SLC9D1: variants seen among roughly 807,000 people sequenced by gnomAD.
SLC9D1 encodes the protein putative LAG1-interacting protein.
chr13:113,538,094 G>C, the SLC9D1 span, among the ~76,000 whole-genome samples: 1 of 150,192 alleles, frequency 6.7e-6, no homozygotes, highest in Non-Finnish European at 1.5e-5. Flanking sequence ...TGTGTGGAAT[G>C]TTACATGTGC....
chr13:113,538,776 C>T, the SLC9D1 span, among the ~76,000 whole-genome samples: 2,721 of 152,368 alleles, frequency 0.018, 72 homozygotes, highest in African/African-American at 0.062. Context: ...CGGTGTCAGC[C>T]GTGCGTCATC....
the SLC9D1 span, chr13:113,503,380 TGTG>T: frequency 1.6e-6 from 1 of 637,694 alleles, no homozygotes; most frequent in East Asian, 2.7e-5. Flanking sequence ...TGTGTGTGTG[TGTG>T]TATGTGTGTT....
chr13:113,542,453 G>A, the SLC9D1 span, among the ~76,000 whole-genome samples: 6 of 152,354 alleles, frequency 3.9e-5, no homozygotes, highest in Admixed American at 6.5e-5. Context: ...CACCTTCAGG[G>A]GAGAATGCGT....
the SLC9D1 span, among the ~76,000 whole-genome samples, chr13:113,532,258 G>A: frequency 3.3e-5 from 5 of 152,198 alleles, no homozygotes; most frequent in South Asian, 2.1e-4. Context: ...ACCGCCCTGC[G>A]AATGATTCAA....
chr13:113,502,188 G>A, the SLC9D1 span, among the ~76,000 whole-genome samples: 1 of 152,156 alleles, frequency 6.6e-6, no homozygotes, highest in Non-Finnish European at 1.5e-5. Flanking sequence ...TGTAACCAAA[G>A]TGTTGCATTA....
At chr13:113,534,196 A>G in the SLC9D1 span, 1 of 1,614,150 alleles carries the variant, frequency 6.2e-7, no homozygotes, top group African/African-American at 1.3e-5. Flanking sequence ...GAACAAAGAA[A>G]TCCTGATCTT....
At chr13:113,525,216 G>T in the SLC9D1 span, among the ~76,000 whole-genome samples, 1 of 152,198 alleles carries the variant, frequency 6.6e-6, no homozygotes. Context: ...TGGGCCACCT[G>T]TACAGCAGTG....
the SLC9D1 span, chr13:113,530,534 T>C: frequency 1.3e-5 from 2 of 152,186 alleles, no homozygotes; most frequent in Admixed American, 1.3e-4. Context: ...TATACTTTTC[T>C]GTAATTTAGG....
the SLC9D1 span, chr13:113,498,348 A>G: frequency 3.6e-5 from 55 of 1,542,602 alleles, no homozygotes; most frequent in African/African-American, 7.1e-5. Context: ...ATAGGAAGAA[A>G]CAGAATATAT....
chr13:113,530,492 T>A, the SLC9D1 span: 1 of 152,174 alleles, frequency 6.6e-6, no homozygotes, highest in African/African-American at 2.4e-5. Flanking sequence ...ACTAGTAGAC[T>A]GGTAGATTTG....
the SLC9D1 span, chr13:113,496,118 C>G: frequency 0.13 from 114,681 of 906,876 alleles, 9,713 homozygotes; most frequent in African/African-American, 0.35. Flanking sequence ...ATCCTAGAGA[C>G]AGCCCACACG....
chr13:113,496,035 A>AGAGAGGGAGAGAGAGAGAGAGG, the SLC9D1 span: 7 of 1,566,258 alleles, frequency 4.5e-6, no homozygotes, highest in South Asian at 4.5e-5. Flanking sequence ...GGTCAGTCCT[A>AGAGAGGGAGAGAGAGAGAGAGG]GAGAGGGAGA....
At chr13:113,519,099 A>G in the SLC9D1 span, among the ~76,000 whole-genome samples, 1 of 148,412 alleles carries the variant, frequency 6.7e-6, no homozygotes, top group African/African-American at 2.5e-5. Flanking sequence ...GCTGGAGTGC[A>G]GTGGCGTGAT....
chr13:113,548,439 T>C, the SLC9D1 span: 1 of 1,609,926 alleles, frequency 6.2e-7, no homozygotes, highest in Non-Finnish European at 8.5e-7. Flanking sequence ...AGAGCGGGCG[T>C]CATCTCTCGG....
the SLC9D1 span, chr13:113,503,683 T>C: frequency 2.8e-6 from 2 of 716,444 alleles, no homozygotes; most frequent in Non-Finnish European, 4.8e-6. Flanking sequence ...GAATTCACTA[T>C]CAAATGTTTT....
chr13:113,539,329 A>G, the SLC9D1 span: 3 of 1,606,874 alleles, frequency 1.9e-6, no homozygotes, highest in Non-Finnish European at 2.5e-6. The surrounding 1 kb of genome is among the most constrained non-coding windows in gnomAD (Gnocchi z 4.8). Context: ...GTGGGGTCTC[A>G]TGTAAAGCTG....
the SLC9D1 span, among the ~76,000 whole-genome samples, chr13:113,525,031 T>C: frequency 6.6e-6 from 1 of 152,258 alleles, no homozygotes; most frequent in Non-Finnish European, 1.5e-5. Context: ...TTGCTCTGTG[T>C]GGTTTTCCTG....
At chr13:113,520,695 G>T in the SLC9D1 span, 1 of 1,613,936 alleles carries the variant, frequency 6.2e-7, no homozygotes, top group South Asian at 1.1e-5. Flanking sequence ...TGGCCGTCAT[G>T]CCGACTCTCA....
chr13:113,509,995 C>T, the SLC9D1 span, among the ~76,000 whole-genome samples: 2 of 152,170 alleles, frequency 1.3e-5, no homozygotes, highest in African/African-American at 2.4e-5. Flanking sequence ...GGATTAGGTT[C>T]TATTCACACA....
Sources: gnomAD v4.1 joint callset for allele counts (sites outside exome capture counted in the v4.1 genomes callset) on GRCh38, gnomAD v4.1.1 for gene constraint, Gnocchi (gnomAD v3.1) non-coding constraint, MANE v1.5 for transcripts, NCBI Gene and HGNC (gene_info 2026-07-23, HGNC 2026-07-21) for gene names.